Variants in PIWIL2 observed in about 807,000 individuals in gnomAD.
PIWIL2 encodes piwi-like protein 2.
A neutral mutation model predicts 116.5 loss-of-function variants in PIWIL2; 81 were observed. The ratio of observed to expected loss-of-function variants is 0.70; its 90% CI spans 0.58 to 0.84. The LOEUF is 0.84. Ranked by LOEUF, PIWIL2 falls within the 40% of genes least tolerant of loss-of-function variation. The pLI is 0.00. For synonymous variants in PIWIL2, 489 were observed against 429.5 expected (o/e 1.14, Z -1.71); for missense variants, 1,272 against 1,212.3 (o/e 1.05, Z -0.73).
chr8:22,332,498 C>T (rs549125636), intron 20 of PIWIL2, among the ~76,000 whole-genome samples: 5 of 152,170 alleles, frequency 3.3e-5, no homozygotes, highest in African/African-American at 1.2e-4. Flanking sequence ...CCCAACACAT[C>T]TCAAGCAGGA....
chr8:22,278,456 GCTGCAGTGAGCCATGATCATGCCA>G (rs1208951344), intron 1 of PIWIL2, among the ~76,000 whole-genome samples: 1 of 152,212 alleles, frequency 6.6e-6, no homozygotes, highest in Non-Finnish European at 1.5e-5. Flanking sequence ...GGAGGTCAAG[GCTGCAGTGAGCCATGATCATGCCA>G]CTGCACTCCA....
intron 20 of PIWIL2, among the ~76,000 whole-genome samples, chr8:22,349,207 A>G (rs936805043): frequency 6.6e-6 from 1 of 150,950 alleles, no homozygotes; most frequent in Admixed American, 6.6e-5. Flanking sequence ...GGGTTTCACC[A>G]TGTTGCCCAG....
chr8:22,317,049 G>A (rs2132054972), intron 19 of PIWIL2, among the ~76,000 whole-genome samples: 1 of 152,274 alleles, frequency 6.6e-6, no homozygotes, highest in South Asian at 2.1e-4. Flanking sequence ...CAAAGTGCTG[G>A]GATTACAGGC....
At chr8:22,345,844 TAAA>T (rs755819970) in intron 20 of PIWIL2, among the ~76,000 whole-genome samples, 12 of 152,122 alleles carry the variant, frequency 7.9e-5, no homozygotes, top group Non-Finnish European at 1.5e-4. Context: ...TATTTAAACA[TAAA>T]AAAGTTTATG....
chr8:22,294,755 A>G (rs1019080417), intron 10 of PIWIL2, among the ~76,000 whole-genome samples: 39 of 150,484 alleles, frequency 2.6e-4, no homozygotes, highest in Non-Finnish European at 3.5e-4. Flanking sequence ...GTCTTTCCAT[A>G]TTTATTGAAA....
At chr8:22,347,251 C>G (rs1237268115) in intron 20 of PIWIL2, among the ~76,000 whole-genome samples, 1 of 145,874 alleles carries the variant, frequency 6.9e-6, no homozygotes, top group African/African-American at 2.6e-5. Flanking sequence ...CTCACTCTGT[C>G]ACCCAGGCTG....
In PIWIL2 at chr8:22,347,497, G is replaced by A. The variant is rs554171264; in HGVS notation, c.2404-5462G>A. Among the ~76,000 whole-genome samples the A allele has an allele frequency of 8.7e-5, 13 of 149,062 alleles. No homozygotes were observed. The South Asian group carries it at 1.3e-3, about 15-fold the overall frequency. On this transcript the variant is annotated intron_variant, in intron 20 of 22. Transcript: ENST00000356766. Reference sequence around the variant, plus strand: ...CTCCCAAAGTGCTGGGATTACAGGCGTGAGCCACTGTGCCTGGCCTTTTTT... The same window carrying A: ...CTCCCAAAGTGCTGGGATTACAGGCATGAGCCACTGTGCCTGGCCTTTTTT...
intron 20 of PIWIL2, among the ~76,000 whole-genome samples, chr8:22,336,493 A>T (rs1831983917): frequency 6.6e-6 from 1 of 152,204 alleles, no homozygotes; most frequent in Admixed American, 6.5e-5. Context: ...CTTAGAGGAA[A>T]ATTTATTATA....
chr8:22,315,203 C>T (rs1399852949), intron 18 of PIWIL2, 58 bp downstream of exon 18: 6 of 948,148 alleles, frequency 6.3e-6, no homozygotes, highest in East Asian at 2.4e-5. Context: ...AAGCTGTTTT[C>T]CTGTTTTTCC....
At chr8:22,278,174 A>G (rs934085617) in intron 1 of PIWIL2, among the ~76,000 whole-genome samples, 5 of 151,672 alleles carry the variant, frequency 3.3e-5, no homozygotes, top group Non-Finnish European at 7.4e-5. Flanking sequence ...GTCTAAAAAA[A>G]AAAGGGGGGG....
chr8:22,308,221 A>C (rs1163900832), intron 14 of PIWIL2, 148 bp downstream of exon 14: 4 of 599,326 alleles, frequency 6.7e-6, no homozygotes, highest in Non-Finnish European at 1.1e-5. Context: ...TTTGAGACAG[A>C]GTCTTATTGG....
chr8:22,313,652 G>T (rs191978017), intron 16 of PIWIL2, among the ~76,000 whole-genome samples: 2 of 152,208 alleles, frequency 1.3e-5, no homozygotes, highest in Non-Finnish European at 2.9e-5. Context: ...ATTTGTAGCA[G>T]TTTCTGGCTT....
At chr8:22,302,067 C>G (rs1488479110) in intron 10 of PIWIL2, among the ~76,000 whole-genome samples, 1 of 152,010 alleles carries the variant, frequency 6.6e-6, no homozygotes, top group Non-Finnish European at 1.5e-5. Flanking sequence ...TTCTCTTGTG[C>G]TTTCTTCTTT....
intron 12 of PIWIL2, among the ~76,000 whole-genome samples, chr8:22,305,283 C>T (rs1224612954): frequency 6.6e-6 from 1 of 152,026 alleles, no homozygotes; most frequent in African/African-American, 2.4e-5. Flanking sequence ...AGCTCCGCCT[C>T]CCGGGTTCAC....
rs573905095 is a variant in PIWIL2 at position 22,355,761 on chromosome 8, G to A, written c.*256G>A. On this transcript the variant is annotated 3_prime_UTR_variant, in exon 23 of 23. Transcript: ENST00000356766. ...GGTACTGCCACTCTGCAGGTGGAGC[G>A]GGTGACTCTGGGGGACCATTAAGAC... is the stretch of plus-strand genomic sequence containing the variant. 8.3e-5 allele frequency: 38 copies of A among 455,946 alleles called. No homozygotes were observed. Among genetic ancestry groups the A allele is most frequent in the Middle Eastern group, 6.2e-4 (1 of 1,620 alleles). The allele number at this position is 455,946 out of a possible 1,614,324, so 28.2% of individuals were successfully genotyped here. A position where few individuals can be genotyped will look rare whatever the true frequency, so the allele number is the denominator to read the frequency against.
chr8:22,341,425 G>A (rs372516120), intron 20 of PIWIL2, among the ~76,000 whole-genome samples: 3 of 151,814 alleles, frequency 2.0e-5, no homozygotes, highest in Non-Finnish European at 2.9e-5. Context: ...GAGAAACCCC[G>A]TCTCTACTAA....
At chr8:22,314,906 G>T in intron 17 of PIWIL2, 123 bp from the exon 18 acceptor site, 1 of 670,286 alleles carries the variant, frequency 1.5e-6, no homozygotes, top group Non-Finnish European at 2.7e-6. Flanking sequence ...TTATTAATGC[G>T]AAATGTGTTA....
intron 20 of PIWIL2, among the ~76,000 whole-genome samples, chr8:22,335,275 TTAA>T (rs1012035582): frequency 6.6e-6 from 1 of 152,012 alleles, no homozygotes; most frequent in African/African-American, 2.4e-5. Flanking sequence ...AATAATTACA[TTAA>T]GTGTAACTGA....
intron 20 of PIWIL2, chr8:22,321,816 C>G (rs1586577757): frequency 1.0e-6 from 1 of 969,486 alleles, no homozygotes; most frequent in Non-Finnish European, 1.2e-6. Flanking sequence ...TACCTCTGGA[C>G]TCCCCATTTT....
Sources: gnomAD v4.1 joint callset for allele counts (sites outside exome capture counted in the v4.1 genomes callset) on GRCh38, gnomAD v4.1.1 for gene constraint, MANE v1.5 for transcripts, NCBI Gene and HGNC (gene_info 2026-07-23, HGNC 2026-07-21) for gene names.